Variants in EPM2A observed in about 807,000 individuals in gnomAD.
The protein encoded by EPM2A is laforin.
Under a neutral mutation model 26.5 loss-of-function variants are expected in EPM2A, and 21 were observed. That is an observed-to-expected ratio of 0.79 (90% CI 0.56 to 1.14). EPM2A has a LOEUF of 1.14. Among genes scored for constraint, EPM2A ranks in the 50% most tolerant of loss-of-function variants. EPM2A has a pLI of 0.00. For missense variants in EPM2A, 458 were observed against 440.8 expected (o/e 1.04, Z -0.35); for synonymous variants, 217 against 177.6 (o/e 1.22, Z -1.76).
intron 2 of EPM2A, among the ~76,000 whole-genome samples, chr6:145,530,015 T>G (rs777024000): frequency 5.3e-5 from 8 of 152,148 alleles, no homozygotes; most frequent in Non-Finnish European, 1.0e-4. Flanking sequence ...CCAAAGAAAA[T>G]GATCATCACT....
intron 2 of EPM2A, among the ~76,000 whole-genome samples, chr6:145,599,866 C>T (rs1781394111): frequency 6.6e-6 from 1 of 151,962 alleles, no homozygotes; most frequent in African/African-American, 2.4e-5. Context: ...ACAAATTTCC[C>T]TCTATATTCT....
chr6:145,683,930 A>C (rs1158875887), intron 2 of EPM2A, among the ~76,000 whole-genome samples: 1 of 152,168 alleles, frequency 6.6e-6, no homozygotes, highest in Non-Finnish European at 1.5e-5. Flanking sequence ...ATGTTACCTA[A>C]AACAATAATA....
In EPM2A at chr6:145,489,795, T is replaced by C. The variant is rs1582794592; in HGVS notation, c.555+12727A>G. 4 of 1,432,110 alleles carry C rather than the reference T, an allele frequency of 2.8e-6. No individual in the cohort carries two copies. The African/African-American group carries it at 5.6e-5, about 20-fold the overall frequency. 88.7% of individuals were successfully genotyped at this position (1,432,110 alleles called of 1,614,324 possible). A position where few individuals can be genotyped will look rare whatever the true frequency, so the allele number is the denominator to read the frequency against. On this transcript the variant is annotated intron_variant, in intron 4 of 4. Coordinates refer to the EPM2A transcript ENST00000638717. ...TCTCTTCTCTCGGTTCATAGATTTC[T>C]GGGGTCACGTGGTCCAAGTCTGCTT...
intron 4 of EPM2A, among the ~76,000 whole-genome samples, chr6:145,388,636 G>A (rs1778294911): frequency 6.6e-6 from 1 of 152,006 alleles, no homozygotes; most frequent in African/African-American, 2.4e-5. Flanking sequence ...TCTACATTAG[G>A]TATTTCTCCT....
chr6:145,733,567 G>C (rs1474341829), intron 1 of EPM2A, among the ~76,000 whole-genome samples: 1 of 152,032 alleles, frequency 6.6e-6, no homozygotes, highest in Admixed American at 6.6e-5. Context: ...AATAACTAGG[G>C]AAAGGGAAGA....
rs1196910581 is a variant in EPM2A, at chr6:145,562,467, T to C, written c.341-59892A>G. 3.9e-5 allele frequency among the ~76,000 whole-genome samples: 6 copies of C among 152,116 alleles called. No individual in the cohort carries two copies. The South Asian group carries it at 6.2e-4, about 16-fold the overall frequency. Reference sequence around the variant, plus strand: ...AGCATTGAGTATCATGCCAATTTAATAAATTAAATAAATCACTAGAGTAGC... The same window carrying C: ...AGCATTGAGTATCATGCCAATTTAACAAATTAAATAAATCACTAGAGTAGC... On this transcript the variant is annotated intron_variant, in intron 2 of 3. Coordinates refer to the EPM2A transcript ENST00000450221.
chr6:145,437,116 G>A (rs1160932434), intron 4 of EPM2A, among the ~76,000 whole-genome samples: 1 of 152,132 alleles, frequency 6.6e-6, no homozygotes, highest in Non-Finnish European at 1.5e-5. Context: ...GGCCTGGTGG[G>A]AGGTAACTGG....
intron 3 of EPM2A, among the ~76,000 whole-genome samples, chr6:145,633,043 G>A (rs781178086): frequency 3.4e-4 from 52 of 152,204 alleles, no homozygotes; most frequent in Non-Finnish European, 6.3e-4. Context: ...AAAAAGGTTC[G>A]TGAACACAAC....
intron 1 of EPM2A, among the ~76,000 whole-genome samples, chr6:145,702,554 G>C (rs1562503635): frequency 6.6e-6 from 1 of 152,060 alleles, no homozygotes; most frequent in African/African-American, 2.4e-5. Flanking sequence ...CCATTTAAAA[G>C]ATTTAACATA....
intron 2 of EPM2A, among the ~76,000 whole-genome samples, chr6:145,541,858 C>T (rs889604336): frequency 3.3e-5 from 5 of 151,994 alleles, no homozygotes; most frequent in African/African-American, 7.3e-5. Flanking sequence ...CCTTGAAAGG[C>T]ACAGAAAATT....
intron 2 of EPM2A, among the ~76,000 whole-genome samples, chr6:145,578,786 A>T (rs1284663755): frequency 2.0e-5 from 3 of 152,188 alleles, no homozygotes; most frequent in Non-Finnish European, 2.9e-5. Context: ...CCATGAAGTC[A>T]TCCCTACAAG....
intron 2 of EPM2A, among the ~76,000 whole-genome samples, chr6:145,615,433 G>A (rs560801354): frequency 5.3e-5 from 8 of 151,948 alleles, no homozygotes; most frequent in South Asian, 2.1e-4. Flanking sequence ...ACTCAGTCTC[G>A]GGTATGTCTT....
chr6:145,698,371 G>A (rs570386754), intron 1 of EPM2A, among the ~76,000 whole-genome samples: 1 of 152,292 alleles, frequency 6.6e-6, no homozygotes, highest in African/African-American at 2.4e-5. Context: ...GAAACAGAAG[G>A]AGTGATTGAC....
chr6:145,634,283 C>T (rs958292842), intron 3 of EPM2A, among the ~76,000 whole-genome samples: 3 of 152,214 alleles, frequency 2.0e-5, no homozygotes, highest in African/African-American at 7.2e-5. Flanking sequence ...CCCTATTCTA[C>T]AACCAGGCTA....
At chr6:145,506,444 A>T (rs1021550360) in intron 2 of EPM2A, among the ~76,000 whole-genome samples, 2 of 152,168 alleles carry the variant, frequency 1.3e-5, no homozygotes, top group Non-Finnish European at 2.9e-5. Context: ...AAAAGTAAAA[A>T]CAAAAATAAA....
chr6:145,583,017 G>C (rs1032535213), intron 2 of EPM2A, among the ~76,000 whole-genome samples: 3 of 152,008 alleles, frequency 2.0e-5, no homozygotes, highest in African/African-American at 7.3e-5. Context: ...TCAGTTTGAT[G>C]GTTTCTCCAC....
chr6:145,686,677 G>A (rs1289054612), intron 1 of EPM2A, among the ~76,000 whole-genome samples: 1 of 152,064 alleles, frequency 6.6e-6, no homozygotes, highest in Non-Finnish European at 1.5e-5. Flanking sequence ...TTTCTGGTAT[G>A]CAAATTTACG....
chr6:145,732,157 G>A (rs1261962256), intron 1 of EPM2A, among the ~76,000 whole-genome samples: 2 of 151,436 alleles, frequency 1.3e-5, no homozygotes, highest in Non-Finnish European at 2.9e-5. Flanking sequence ...ACTAACATAG[G>A]AGTTCGATTG....
intron 1 of EPM2A, among the ~76,000 whole-genome samples, chr6:145,729,454 C>T (rs968765811): frequency 6.6e-6 from 1 of 152,246 alleles, no homozygotes; most frequent in African/African-American, 2.4e-5. Context: ...TGAAAGCCCA[C>T]CCCTCACATC....
Sources: gnomAD v4.1 joint callset for allele counts (sites outside exome capture counted in the v4.1 genomes callset) on GRCh38, gnomAD v4.1.1 for gene constraint, MANE v1.5 for transcripts, NCBI Gene and HGNC (gene_info 2026-07-23, HGNC 2026-07-21) for gene names.